Variants in CCSER1 observed in about 807,000 individuals in gnomAD.
CCSER1 encodes coiled-coil serine rich protein 1.
CCSER1 carries 41 observed loss-of-function variants against 82.0 expected under a neutral mutation model. The observed-to-expected ratio is 0.50, with a 90% CI of 0.39 to 0.65. The LOEUF (loss-of-function observed/expected upper bound fraction) is 0.65, where lower values mean the gene tolerates loss of function less well. Ranked by LOEUF, CCSER1 falls within the 30% of genes least tolerant of loss-of-function variation. The probability of loss-of-function intolerance (pLI) is 0.00; values close to 1 mark genes in which losing one functional copy is unlikely to be tolerated. For missense variants in CCSER1, 1,119 were observed against 1,064.2 expected, an observed-to-expected ratio of 1.05 and a Z score of -0.72; for synonymous variants, 414 against 383.9, an observed-to-expected ratio of 1.08 and a Z score of -0.92.
At chr4:91,135,020 A>G (rs1728338058) in intron 10 of CCSER1, among the ~76,000 whole-genome samples, 1 of 150,406 alleles carries the variant, frequency 6.6e-6, no homozygotes, top group Non-Finnish European at 1.5e-5. Context: ...AGATTGCACC[A>G]CTCCACTCCA....
At chr4:90,530,384 A>G (rs1281381797) in intron 5 of CCSER1, among the ~76,000 whole-genome samples, 2 of 152,210 alleles carry the variant, frequency 1.3e-5, no homozygotes, top group Non-Finnish European at 2.9e-5. Context: ...CTCTTGACAC[A>G]GTCACAAGAA....
intron 9 of CCSER1, among the ~76,000 whole-genome samples, chr4:91,083,850 G>A (rs1230200410): frequency 6.6e-6 from 1 of 152,144 alleles, no homozygotes; most frequent in Non-Finnish European, 1.5e-5. Context: ...AACAGTGTCA[G>A]TGATTTTGGT....
At chr4:90,581,185 A>G (rs1781379912) in intron 5 of CCSER1, among the ~76,000 whole-genome samples, 1 of 152,122 alleles carries the variant, frequency 6.6e-6, no homozygotes, top group African/African-American at 2.4e-5. Context: ...TATAGATTGT[A>G]ATATCTCAAA....
intron 9 of CCSER1, among the ~76,000 whole-genome samples, chr4:91,080,353 T>G (rs1042837296): frequency 6.6e-6 from 1 of 152,124 alleles, no homozygotes; most frequent in African/African-American, 2.4e-5. Context: ...GAAATGAACA[T>G]GCTCTTTGAA....
chr4:90,779,383 A>G (rs933365210), intron 7 of CCSER1, among the ~76,000 whole-genome samples: 2 of 152,024 alleles, frequency 1.3e-5, no homozygotes, highest in African/African-American at 4.8e-5. Flanking sequence ...GAATCTAATA[A>G]TTATCTTACA....
intron 3 of CCSER1, among the ~76,000 whole-genome samples, chr4:90,378,835 A>T (rs191534215): frequency 3.7e-4 from 57 of 152,332 alleles, no homozygotes; most frequent in African/African-American, 1.3e-3. Context: ...TTCTTCTCCC[A>T]TATGAGTTTA....
chr4:91,154,317 G>T (rs1366648188), intron 10 of CCSER1, among the ~76,000 whole-genome samples: 1 of 152,050 alleles, frequency 6.6e-6, no homozygotes, highest in Non-Finnish European at 1.5e-5. Flanking sequence ...AGCCAGGCAC[G>T]GGATATAATC....
chr4:90,778,962 T>C (rs566908796), intron 7 of CCSER1, among the ~76,000 whole-genome samples: 3 of 152,188 alleles, frequency 2.0e-5, no homozygotes, highest in Non-Finnish European at 4.4e-5. Flanking sequence ...CCTAGTTAAA[T>C]ATACTTTATC....
chr4:90,490,211 A>C (rs1019791533), intron 5 of CCSER1, among the ~76,000 whole-genome samples: 13 of 152,076 alleles, frequency 8.5e-5, no homozygotes, highest in Admixed American at 2.6e-4. Context: ...AATGATTGCC[A>C]TTCTAACTGG....
chr4:91,177,090 T>C (rs1043805190), intron 10 of CCSER1, among the ~76,000 whole-genome samples: 2 of 152,232 alleles, frequency 1.3e-5, no homozygotes, highest in Non-Finnish European at 2.9e-5. Flanking sequence ...GTGGTTTTTG[T>C]CTTCGGTTCT....
chr4:91,158,462 C>A (rs1176803712), intron 10 of CCSER1, among the ~76,000 whole-genome samples: 1 of 151,894 alleles, frequency 6.6e-6, no homozygotes, highest in East Asian at 1.9e-4. Context: ...CCTCTTTTGT[C>A]ATTAAAGGAA....
chr4:91,359,982 T>C (rs903372859), intron 10 of CCSER1, among the ~76,000 whole-genome samples: 2 of 151,870 alleles, frequency 1.3e-5, no homozygotes, highest in African/African-American at 4.8e-5. Context: ...ATATTATCCC[T>C]GCAAGGTTAG....
At chr4:91,188,496 C>A (rs1734749227) in intron 10 of CCSER1, among the ~76,000 whole-genome samples, 1 of 152,148 alleles carries the variant, frequency 6.6e-6, no homozygotes, top group Non-Finnish European at 1.5e-5. Context: ...ATAAAGTTGA[C>A]CTCTTACAAT....
chr4:91,346,546 T>C (rs768017102), intron 10 of CCSER1, among the ~76,000 whole-genome samples: 18 of 152,122 alleles, frequency 1.2e-4, no homozygotes, highest in Non-Finnish European at 2.2e-4. Flanking sequence ...TGTGTTTAAT[T>C]TTATAAAAAA....
intron 5 of CCSER1, among the ~76,000 whole-genome samples, chr4:90,537,384 C>T (rs373132946): frequency 4.6e-5 from 7 of 151,746 alleles, no homozygotes; most frequent in East Asian, 3.9e-4. Flanking sequence ...AATTTTCATT[C>T]GAGTTTTTTC....
intron 1 of CCSER1, among the ~76,000 whole-genome samples, chr4:90,159,639 T>A (rs914402627): frequency 5.9e-5 from 9 of 152,260 alleles, no homozygotes; most frequent in African/African-American, 2.2e-4. Context: ...GCTTTTTATC[T>A]TGCAGGTAAA....
intron 6 of CCSER1, among the ~76,000 whole-genome samples, chr4:90,669,643 T>A (rs1028937399): frequency 6.6e-6 from 1 of 152,044 alleles, no homozygotes; most frequent in Non-Finnish European, 1.5e-5. Context: ...GAGTCGAACT[T>A]TTGATAAGTT....
At chr4:91,355,327 T>C (rs1193918599) in intron 10 of CCSER1, among the ~76,000 whole-genome samples, 1 of 152,122 alleles carries the variant, frequency 6.6e-6, no homozygotes, top group African/African-American at 2.4e-5. Flanking sequence ...CCCTCTTTCT[T>C]CTGTTCTAGC....
At chr4:90,338,764 A>G (rs773268782) in intron 3 of CCSER1, among the ~76,000 whole-genome samples, 22 of 152,200 alleles carry the variant, frequency 1.4e-4, no homozygotes, top group Non-Finnish European at 2.2e-4. Flanking sequence ...GACAAAATCT[A>G]TCTCCTGTTA....
Sources: allele counts gnomAD v4.1 joint callset (sites outside exome capture counted in the v4.1 genomes callset), GRCh38; gene constraint gnomAD v4.1.1; transcripts MANE v1.5; gene names NCBI Gene and HGNC (gene_info 2026-07-23, HGNC 2026-07-21).